The following TRIM2 variants were observed in gnomAD, a reference collection of about 807,000 sequenced individuals.
TRIM2 encodes tripartite motif-containing protein 2.
TRIM2 carries 20 observed loss-of-function variants against 75.2 expected under a neutral mutation model. The observed-to-expected ratio is 0.27, with a 90% CI of 0.19 to 0.39. TRIM2 has a LOEUF of 0.39. Ranked by LOEUF, TRIM2 falls within the 10% of genes least tolerant of loss-of-function variation. TRIM2 has a pLI of 1.00. For synonymous variants in TRIM2, 373 were observed against 388.3 expected, an observed-to-expected ratio of 0.96 and a Z score of 0.46; for missense variants, 660 against 990.8, an observed-to-expected ratio of 0.67 and a Z score of 4.48.
chr4:153,212,125 T>C (rs992619769), intron 1 of TRIM2, among the ~76,000 whole-genome samples: 2 of 152,146 alleles, frequency 1.3e-5, no homozygotes, highest in Non-Finnish European at 2.9e-5. Context: ...AGCTGTCCTT[T>C]AGCAAAGTCA....
chr4:153,183,051 A>C (rs1732234199), intron 1 of TRIM2, among the ~76,000 whole-genome samples: 1 of 152,166 alleles, frequency 6.6e-6, no homozygotes, highest in African/African-American at 2.4e-5. Context: ...AGAATGAATA[A>C]ATGAATGAAT....
At position 153,232,654 on chromosome 4, in the gene TRIM2, C is replaced by T. The variant is rs773879928; in HGVS notation, c.30+28094C>T. ...GGGAACTAGAGGCCATAGGTTGGGG[C>T]GGGGGTGGAGAAAAGTAGATAAAAT... On this transcript the variant is annotated intron_variant, in intron 1 of 11. Transcript: ENST00000338700. 1.8e-4 allele frequency among the ~76,000 whole-genome samples: 27 copies of T among 149,130 alleles called. No individual in the cohort carries two copies. In the South Asian group the frequency reaches 1.9e-3, roughly 11 times the overall value.
intron 1 of TRIM2, among the ~76,000 whole-genome samples, chr4:153,159,792 C>T (rs1204885742): frequency 1.3e-5 from 2 of 152,184 alleles, no homozygotes; most frequent in Non-Finnish European, 2.9e-5. Flanking sequence ...ATTGTGTTAT[C>T]TCCAGCCTTT....
At chr4:153,334,082 G>A (rs1005162211) in intron 11 of TRIM2, among the ~76,000 whole-genome samples, 5 of 151,932 alleles carry the variant, frequency 3.3e-5, no homozygotes, top group Non-Finnish European at 4.4e-5. Flanking sequence ...TTATAAGTGT[G>A]GGGGAGGAAA....
In TRIM2 at chr4:153,177,707, CTCCTTCCT is replaced by C. The variant is rs60499669; in HGVS notation, c.-49+24476_-49+24483del. ...GAAAGGGAGAATGGATGGTGGCTCG[CTCCTTCCT>C]TCCTTCCTTCCTTCCTTCCTTCCTT... On this transcript the variant is annotated intron_variant, in intron 1 of 11. Transcript: ENST00000437508. Among the ~76,000 whole-genome samples, 1,257 of 133,958 alleles carry C rather than the reference CTCCTTCCT, an allele frequency of 9.4e-3. 14 individuals are homozygous for C. The highest frequency in any genetic ancestry group is 0.026 in the East Asian group (117 of 4,542). 87.9% of individuals were successfully genotyped at this position (133,958 alleles called of 152,430 possible).
At chr4:153,222,425 C>G (rs1427101961) in intron 1 of TRIM2, 1 of 152,240 alleles carries the variant, frequency 6.6e-6, no homozygotes, top group South Asian at 2.1e-4. Flanking sequence ...TTTCCTGCCC[C>G]GCTGTGCTGC....
chr4:153,276,504 C>A (rs1758060909), intron 3 of TRIM2, among the ~76,000 whole-genome samples: 1 of 152,118 alleles, frequency 6.6e-6, no homozygotes, highest in Non-Finnish European at 1.5e-5. Flanking sequence ...CTTTATTTTT[C>A]TTGGGAGGGA....
At chr4:153,189,791 G>T (rs1394923973) in intron 1 of TRIM2, among the ~76,000 whole-genome samples, 2 of 152,164 alleles carry the variant, frequency 1.3e-5, no homozygotes, top group Admixed American at 6.5e-5. Flanking sequence ...TATGCAAATT[G>T]AAGATTTATC....
rs80171632 is a variant in TRIM2, at chr4:153,179,217, A to G, written c.-49+25947A>G. 6.3e-3 allele frequency among the ~76,000 whole-genome samples: 963 copies of G among 151,818 alleles called. 11 individuals carry two copies. The highest frequency in any genetic ancestry group is 0.021 in the African/African-American group (872 of 41,442). On this transcript the variant is annotated intron_variant, in intron 1 of 11. Coordinates refer to the TRIM2 transcript ENST00000437508. ...TTAATAGCAATTTTGATATTAATAC[A>G]TTAATTTTATTTTTAAAATAAATAA...
Position 153,295,219 on chromosome 4 carries a change from G to C in TRIM2, c.787-94G>C. ...TTGCTCAGAGCCACCTGCGTGGGCA[G>C]GTGTAGAGTCTCCTTCTCGCCGGTG... On this transcript the variant is annotated intron_variant, in intron 5 of 11. Transcript: ENST00000338700. The surrounding 1 kb of genome is among the most constrained non-coding windows in gnomAD (Gnocchi z 7.2). 1 of 1,442,962 alleles carries C rather than the reference G, an allele frequency of 6.9e-7. No individual in the cohort carries two copies. Among genetic ancestry groups the C allele is most frequent in the Non-Finnish European group, 9.1e-7 (1 of 1,095,024 alleles). 89.4% of individuals were successfully genotyped at this position (1,442,962 alleles called of 1,614,324 possible).
intron 1 of TRIM2, among the ~76,000 whole-genome samples, chr4:153,210,674 A>G (rs1736737882): frequency 6.6e-6 from 1 of 152,244 alleles, no homozygotes; most frequent in Non-Finnish European, 1.5e-5. Context: ...TTAACGAAAC[A>G]GCAGCAATCA....
chr4:153,253,292 G>A (rs539571423), intron 1 of TRIM2, among the ~76,000 whole-genome samples: 253 of 152,298 alleles, frequency 1.7e-3, no homozygotes, highest in Non-Finnish European at 2.7e-3. Context: ...CATTAGTGTT[G>A]TGGGGACAGA....
At chr4:153,202,038 A>C (rs543354511), upstream of TRIM2, among the ~76,000 whole-genome samples, 102 of 152,378 alleles carry the variant, frequency 6.7e-4, no homozygotes, top group African/African-American at 2.4e-3. Flanking sequence ...CTCATACATC[A>C]TTTAGAAAAG....
At chr4:153,263,615 G>A (rs1307992074) in intron 1 of TRIM2, among the ~76,000 whole-genome samples, 1 of 152,224 alleles carries the variant, frequency 6.6e-6, no homozygotes, top group East Asian at 1.9e-4. Context: ...TCTAGGGGGA[G>A]GGCGGAGACA....
upstream of TRIM2, among the ~76,000 whole-genome samples, chr4:153,203,833 A>G (rs536375709): frequency 6.6e-6 from 1 of 152,320 alleles, no homozygotes; most frequent in South Asian, 2.1e-4. Flanking sequence ...CTACGGTTGC[A>G]GTGAGCCAAG....
rs1223822329 is a variant in TRIM2, at chr4:153,248,874, C to T, written c.31-21461C>T. On this transcript the variant is annotated intron_variant, in intron 1 of 11. Transcript: ENST00000338700. The surrounding 1 kb of genome is among the most constrained non-coding windows in gnomAD (Gnocchi z 4.0). ...GCCCAGGCTCCTACTTCAGTGTCAC[C>T]TCCAGGTTTCAAAGCATGGAAACCC... Among the ~76,000 whole-genome samples the T allele has an allele frequency of 1.3e-5, 2 of 152,206 alleles. No individual in the cohort carries two copies. The highest frequency in any genetic ancestry group is 2.9e-5 in the Non-Finnish European group (2 of 68,020).
At chr4:153,244,495 A>G (rs1357240623) in intron 1 of TRIM2, among the ~76,000 whole-genome samples, 1 of 147,568 alleles carries the variant, frequency 6.8e-6, no homozygotes. Context: ...TCCTGGGCTC[A>G]AGCAATCCTC....
At position 153,244,177 on chromosome 4, in the gene TRIM2, CTT is replaced by C. The variant is rs1406765466; in HGVS notation, c.31-26157_31-26156del. ...TGTTCTTCTTCTTCTTCTTCTTCTT[CTT>C]CTCCTCCTTCTTCTTCTCCTCCTTT... On this transcript the variant is annotated intron_variant, in intron 1 of 11. Transcript: ENST00000338700. Among the ~76,000 whole-genome samples the C allele has an allele frequency of 3.3e-3, 491 of 147,352 alleles. 31 individuals are homozygous for C. Among genetic ancestry groups the C allele is most frequent in the African/African-American group, 0.011 (427 of 38,724 alleles).
chr4:153,289,817 G>T (rs184708662), intron 3 of TRIM2, among the ~76,000 whole-genome samples: 1 of 152,272 alleles, frequency 6.6e-6, no homozygotes, highest in East Asian at 1.9e-4. Context: ...GATTGGTTTG[G>T]GAAGAGTGCC....
Sources: gnomAD v4.1 joint callset for allele counts (sites outside exome capture counted in the v4.1 genomes callset) on GRCh38, gnomAD v4.1.1 for gene constraint, Gnocchi (gnomAD v3.1) non-coding constraint, MANE v1.5 for transcripts, NCBI Gene and HGNC (gene_info 2026-07-23, HGNC 2026-07-21) for gene names.